Variants in ALPL observed in about 807,000 individuals in gnomAD.
The protein encoded by ALPL is alkaline phosphatase, biomineralization associated, also known as alkaline phosphatase, tissue-nonspecific isozyme.
ALPL carries 42 observed loss-of-function variants against 51.3 expected under a neutral mutation model. The observed-to-expected ratio is 0.82, with a 90% confidence interval of 0.64 to 1.06. The LOEUF (loss-of-function observed/expected upper bound fraction) is 1.06, where lower values mean the gene tolerates loss of function less well. ALPL is among the 50% of genes least tolerant of loss of function. The pLI, the probability that ALPL is intolerant of heterozygous loss-of-function variation, is 0.00. For synonymous variants in ALPL, 279 were observed against 296.4 expected, an observed-to-expected ratio of 0.94 and a Z score of 0.60; for missense variants, 589 against 709.4, an observed-to-expected ratio of 0.83 and a Z score of 1.93.
intron 1 of ALPL, among the ~76,000 whole-genome samples, chr1:21,520,378 C>T (rs893920261): frequency 6.6e-6 from 1 of 152,078 alleles, no homozygotes. Context: ...AATCCTCCCA[C>T]CTCAGCTTCC....
intron 1 of ALPL, among the ~76,000 whole-genome samples, chr1:21,549,826 G>T (rs1252951053): frequency 6.6e-6 from 1 of 152,162 alleles, no homozygotes; most frequent in Non-Finnish European, 1.5e-5. Flanking sequence ...AAATTCTTAG[G>T]TATAAATCTG....
chr1:21,526,745 GAA>G (rs1643948499), intron 1 of ALPL, among the ~76,000 whole-genome samples: 1 of 152,172 alleles, frequency 6.6e-6, no homozygotes, highest in African/African-American at 2.4e-5. Flanking sequence ...TTCCTGAAAA[GAA>G]AGTGTGTTTA....
chr1:21,509,027 G>A (rs1362126627), upstream of ALPL, among the ~76,000 whole-genome samples: 3 of 152,010 alleles, frequency 2.0e-5, no homozygotes, highest in East Asian at 1.9e-4. This position sits in a 1 kb window ranked among gnomAD's most constrained non-coding sequence, Gnocchi z 6.0. Flanking sequence ...ACAAAGAGAC[G>A]GGTGGAGACA....
rs1205971311 is a variant in ALPL at position 21,560,673 on chromosome 1, C to T, written c.109C>T (p.Leu37=). The T allele has an allele frequency of 5.6e-6, 9 of 1,614,024 alleles. No homozygotes were observed. Among genetic ancestry groups the T allele is most frequent in the Middle Eastern group, 3.3e-4 (2 of 6,084 alleles). ...KYWRDQAQET[L]KYALELQKLN... is the part of the protein sequence containing the mutation. ...CTGGCGAGACCAAGCGCAAGAGACA[C>T]TGAAATATGCCCTGGAGCTTCAGAA... The change falls in exon 3 of 12, where the codon CTG becomes TTG. Residue 37 remains leucine (L), a synonymous_variant. Transcript: ENST00000374840.
At chr1:21,511,897 T>TG (rs1643694932) in intron 1 of ALPL, among the ~76,000 whole-genome samples, 2 of 152,220 alleles carry the variant, frequency 1.3e-5, no homozygotes, top group East Asian at 1.9e-4. Flanking sequence ...CCTGAGGAGC[T>TG]GGGGCTGGAG....
At chr1:21,573,083 C>G (rs1035829304) in intron 8 of ALPL, among the ~76,000 whole-genome samples, 11 of 152,194 alleles carry the variant, frequency 7.2e-5, no homozygotes, top group African/African-American at 2.7e-4. Flanking sequence ...CTCAGTGCTC[C>G]TCATCTGTGA....
chr1:21,570,257 C>T (rs370431030), intron 7 of ALPL, 48 bp from the exon 8 acceptor site: 104 of 1,583,968 alleles, frequency 6.6e-5, no homozygotes, highest in Admixed American at 2.0e-4. Flanking sequence ...TCAGTCCTTC[C>T]GACTCTCCCT....
At position 21,554,495 on chromosome 1, in the gene ALPL, A is replaced by AT. The variant is rs1162517040; in HGVS notation, c.61+366dup. The stretch of plus-strand genomic sequence containing the variant: ...TATATATTATATATATTCTTTCTTA[A>AT]TTTTTTTTTTTTTGAGACAGGGTTT... On this transcript the variant is annotated intron_variant, in intron 2 of 11. Coordinates refer to ENST00000374840, the MANE Select transcript of ALPL (RefSeq NM_000478.6). 2.3e-3 allele frequency among the ~76,000 whole-genome samples: 314 copies of AT among 137,438 alleles called. 2 individuals are homozygous for AT. Among genetic ancestry groups the AT allele is most frequent in the East Asian group, 2.7e-3 (13 of 4,828 alleles). The allele number at this position is 137,438 out of a possible 152,430, so 90.2% of individuals were successfully genotyped here.
chr1:21,544,404 C>A (rs1387017078), intron 1 of ALPL, among the ~76,000 whole-genome samples: 3 of 152,214 alleles, frequency 2.0e-5, no homozygotes, highest in Non-Finnish European at 4.4e-5. Context: ...GTTTGGGTCA[C>A]ACTCTCACCT....
intron 1 of ALPL, among the ~76,000 whole-genome samples, chr1:21,521,575 G>T (rs141975029): frequency 2.4e-3 from 358 of 152,288 alleles, no homozygotes; most frequent in African/African-American, 8.2e-3. Context: ...GCCCCACTGG[G>T]TGTGACTCTT....
At chr1:21,551,720 T>A (rs61778389) in intron 1 of ALPL, among the ~76,000 whole-genome samples, 2 of 28,134 alleles carry the variant, frequency 7.1e-5, no homozygotes, top group Non-Finnish European at 1.6e-4. Context: ...GCTTGCGTGG[T>A]TTTTTTTTTT....
intron 2 of ALPL, among the ~76,000 whole-genome samples, chr1:21,557,973 T>TAAATGG (rs1156663336): frequency 2.0e-4 from 31 of 152,344 alleles, no homozygotes; most frequent in African/African-American, 7.5e-4. Context: ...GAGCCTCATA[T>TAAATGG]AAATGGAATC....
intron 1 of ALPL, among the ~76,000 whole-genome samples, chr1:21,518,287 T>C (rs1435035905): frequency 2.0e-5 from 3 of 151,744 alleles, no homozygotes; most frequent in African/African-American, 7.3e-5. Flanking sequence ...ATAACATCCA[T>C]AGTAGTAATA....
chr1:21,514,391 A>G (rs1343290634), intron 1 of ALPL, among the ~76,000 whole-genome samples: 2 of 152,172 alleles, frequency 1.3e-5, no homozygotes, highest in Admixed American at 6.5e-5. Context: ...TGTGCTCCCT[A>G]ACAGCCCTGT....
chr1:21,514,981 T>G (rs1403318038), intron 1 of ALPL, among the ~76,000 whole-genome samples: 1 of 152,106 alleles, frequency 6.6e-6, no homozygotes. Flanking sequence ...GGAAGGTCAT[T>G]TCTGGAAATA....
At chr1:21,509,228 C>T (rs904922566), upstream of ALPL, 3 of 151,434 alleles carry the variant, frequency 2.0e-5, no homozygotes, top group Non-Finnish European at 4.4e-5. The surrounding 1 kb of genome is among the most constrained non-coding windows in gnomAD (Gnocchi z 6.0). Context: ...CAGCCCGTTC[C>T]TAGCTCCGCT....
chr1:21,558,315 C>G (rs1644439539), intron 2 of ALPL, among the ~76,000 whole-genome samples: 1 of 152,192 alleles, frequency 6.6e-6, no homozygotes, highest in Non-Finnish European at 1.5e-5. Context: ...GCTGTTAAGT[C>G]AGGTACAGGT....
At chr1:21,514,493 G>A (rs1643755182) in intron 1 of ALPL, among the ~76,000 whole-genome samples, 1 of 152,168 alleles carries the variant, frequency 6.6e-6, no homozygotes, top group East Asian at 1.9e-4. Flanking sequence ...TGGGAGCCAG[G>A]GCCTGGTGAT....
chr1:21,522,281 A>G (rs1021864012), intron 1 of ALPL, among the ~76,000 whole-genome samples: 9 of 152,074 alleles, frequency 5.9e-5, no homozygotes, highest in East Asian at 1.9e-4. Context: ...TCACCATGTT[A>G]GCCAGGATGG....
Sources: allele counts gnomAD v4.1 joint callset (sites outside exome capture counted in the v4.1 genomes callset), GRCh38; gene constraint gnomAD v4.1.1; non-coding constraint Gnocchi (gnomAD v3.1); transcripts MANE v1.5; gene names NCBI Gene and HGNC (gene_info 2026-07-23, HGNC 2026-07-21).